The following MAOA variants were observed in gnomAD, a reference collection of about 807,000 sequenced individuals.
MAOA encodes monoamine oxidase A, also known as amine oxidase [flavin-containing] A.
In MAOA, 6 loss-of-function variants were observed where a neutral mutation model predicts 42.0. That is an observed-to-expected ratio of 0.14 (90% CI 0.08 to 0.28). The LOEUF (loss-of-function observed/expected upper bound fraction) is 0.28, where lower values mean the gene tolerates loss of function less well. MAOA is among the 10% of genes least tolerant of loss of function. The probability of loss-of-function intolerance (pLI) is 1.00; values close to 1 mark genes in which losing one functional copy is unlikely to be tolerated. For synonymous variants in MAOA, 140 were observed against 154.0 expected (o/e 0.91, Z 0.67); for missense variants, 262 against 422.3 (o/e 0.62, Z 3.33).
rs1359581513 is a variant in MAOA at position 43,672,846 on chromosome X, C to T, written c.74-10667C>T. Among the ~76,000 whole-genome samples, 7 of 110,792 alleles carry T rather than the reference C, an allele frequency of 6.3e-5. No homozygotes were observed. The East Asian group carries it at 2.0e-3, about 32-fold the overall frequency. On this transcript the variant is annotated intron_variant, in intron 1 of 14. Coordinates refer to ENST00000338702, the MANE Select transcript of MAOA (RefSeq NM_000240.4). ...TGATGTGCTGCTGGATTCGGTTTGCCAGTATTGAGGATTTTTGCATCAATG... is the reference window on the plus strand; with the variant it reads ...TGATGTGCTGCTGGATTCGGTTTGCTAGTATTGAGGATTTTTGCATCAATG...
upstream of MAOA, chrX:43,656,156 C>A (rs940764328): frequency 1.5e-5 from 7 of 454,388 alleles, no homozygotes; most frequent in Admixed American, 2.0e-4. Context: ...ATCAGCTCCG[C>A]CCCTGGGCGC....
At chrX:43,679,147 C>T (rs1338875369) in intron 1 of MAOA, among the ~76,000 whole-genome samples, 4 of 110,917 alleles carry the variant, frequency 3.6e-5, no homozygotes, top group Middle Eastern at 4.2e-3. Flanking sequence ...TGTGATAGGG[C>T]AATCGTTTTT....
intron 3 of MAOA, among the ~76,000 whole-genome samples, chrX:43,707,649 A>C (rs2033667961): frequency 8.9e-6 from 1 of 112,293 alleles, no homozygotes; most frequent in Admixed American, 9.5e-5. Context: ...AGATGATTTT[A>C]AAATTTAAAG....
intron 1 of MAOA, among the ~76,000 whole-genome samples, chrX:43,675,901 C>T (rs1370947690): frequency 1.8e-5 from 2 of 112,089 alleles, no homozygotes; most frequent in Non-Finnish European, 3.8e-5. Context: ...GGTCAGGGAC[C>T]CACTTTAGGA....
upstream of MAOA, chrX:43,655,596 C>T (rs1255716692): frequency 9.0e-6 from 1 of 111,076 alleles, no homozygotes; most frequent in Non-Finnish European, 1.9e-5. Flanking sequence ...AGTAACAGGA[C>T]CTACCCCGCC....
intron 5 of MAOA, among the ~76,000 whole-genome samples, chrX:43,713,657 A>C (rs1431172045): frequency 9.0e-6 from 1 of 111,372 alleles, no homozygotes; most frequent in African/African-American, 3.3e-5. Context: ...AATAGCCCCT[A>C]CCCTCATGGA....
At chrX:43,682,320 A>G (rs2033450656) in intron 1 of MAOA, among the ~76,000 whole-genome samples, 1 of 111,360 alleles carries the variant, frequency 9.0e-6, no homozygotes, top group African/African-American at 3.3e-5. Context: ...GCCTGATTCT[A>G]AGGCTGTGGC....
In MAOA at chrX:43,731,865, T is replaced by C; in HGVS notation, c.955+12T>C. 1.7e-6 allele frequency: 2 copies of C among 1,186,613 alleles called. No homozygotes were observed. Among genetic ancestry groups the C allele is most frequent in the Non-Finnish European group, 2.3e-6 (2 of 872,615 alleles). ...CTGGAAGAAGAAGGGTAGGCTGCTA[T>C]TATTCATGTTTAAACTGTATTATAT... On this transcript the variant is annotated intron_variant, in intron 8 of 14. Transcript: ENST00000338702.
chrX:43,729,411 T>G (rs909924228), intron 6 of MAOA, among the ~76,000 whole-genome samples: 1 of 112,018 alleles, frequency 8.9e-6, no homozygotes, highest in Non-Finnish European at 1.9e-5. Context: ...CAAACCATGG[T>G]CACAATATTT....
chrX:43,729,564 A>T (rs746587437), intron 6 of MAOA, among the ~76,000 whole-genome samples: 1 of 112,213 alleles, frequency 8.9e-6, no homozygotes, highest in South Asian at 3.7e-4. Context: ...AGACCAGATT[A>T]TAAGTTAAAT....
chrX:43,670,554 G>A (rs909081221), intron 1 of MAOA, among the ~76,000 whole-genome samples: 19 of 101,585 alleles, frequency 1.9e-4, no homozygotes, highest in African/African-American at 5.8e-4. Context: ...CCATTAACTC[G>A]TCATTTAGCA....
In MAOA at chrX:43,746,037, A is replaced by G. The variant is rs1838352131; in HGVS notation, c.*1524A>G. On this transcript the variant is annotated 3_prime_UTR_variant, in exon 15 of 15. Coordinates refer to ENST00000338702, the MANE Select transcript of MAOA (RefSeq NM_000240.4). The stretch of plus-strand genomic sequence containing the variant: ...CATTTTAGCTAATTTAGGAGTTTTG[A>G]GAATGTATTGGATACGCTCCAGTAC... 1 of 111,870 alleles carries G rather than the reference A, an allele frequency of 8.9e-6. No homozygotes were observed. The highest frequency in any genetic ancestry group is 3.3e-5 in the African/African-American group (1 of 30,768). 9.2% of individuals were successfully genotyped at this position (111,870 alleles called of 1,213,427 possible).
intron 9 of MAOA, 31 bp from the exon 10 acceptor site, chrX:43,736,196 C>G: frequency 9.0e-7 from 1 of 1,112,990 alleles, no homozygotes; most frequent in Non-Finnish European, 1.2e-6. Flanking sequence ...ACAGCTGTAA[C>G]CTGATCATTC....
chrX:43,665,820 A>AGATAGAT (rs1555941800), intron 1 of MAOA, among the ~76,000 whole-genome samples: 3 of 108,441 alleles, frequency 2.8e-5, no homozygotes, highest in African/African-American at 6.8e-5. Flanking sequence ...TTAGATAGAT[A>AGATAGAT]GATAGATAGA....
At chrX:43,659,641 TG>T (rs769940065) in intron 1 of MAOA, among the ~76,000 whole-genome samples, 131 of 111,284 alleles carry the variant, frequency 1.2e-3, no homozygotes, top group African/African-American at 4.1e-3. Context: ...CTTCCTTCCC[TG>T]AACTCCTGTC....
chrX:43,676,287 G>A (rs2033395296), intron 1 of MAOA, among the ~76,000 whole-genome samples: 2 of 112,038 alleles, frequency 1.8e-5, no homozygotes, highest in Admixed American at 1.9e-4. Flanking sequence ...CGTTTTTTAA[G>A]CCCGTCAGAA....
At chrX:43,689,125 G>C (rs2033512535) in intron 2 of MAOA, among the ~76,000 whole-genome samples, 1 of 110,178 alleles carries the variant, frequency 9.1e-6, no homozygotes, top group Admixed American at 9.7e-5. Context: ...TGTTGCCCAG[G>C]CTGGAGTGCA....
At chrX:43,687,636 G>C (rs1265570746) in intron 2 of MAOA, among the ~76,000 whole-genome samples, 1 of 112,222 alleles carries the variant, frequency 8.9e-6, no homozygotes, top group Non-Finnish European at 1.9e-5. Flanking sequence ...AATACAATAT[G>C]CTGTGCTCAT....
intron 1 of MAOA, among the ~76,000 whole-genome samples, chrX:43,667,753 C>T (rs1319827163): frequency 9.0e-6 from 1 of 111,335 alleles, no homozygotes; most frequent in Non-Finnish European, 1.9e-5. Context: ...CAGCCCCAAG[C>T]ACTATAACCC....
Sources: allele counts gnomAD v4.1 joint callset (sites outside exome capture counted in the v4.1 genomes callset), GRCh38; gene constraint gnomAD v4.1.1; transcripts MANE v1.5; gene names NCBI Gene and HGNC (gene_info 2026-07-23, HGNC 2026-07-21).